The following TSC22D1 variants were observed in gnomAD, a reference collection of about 807,000 sequenced individuals.
TSC22D1 encodes TSC22 domain family member 1.
A neutral mutation model predicts 74.2 loss-of-function variants in TSC22D1; 9 were observed. The observed-to-expected ratio is 0.12, with a 90% confidence interval of 0.07 to 0.21. TSC22D1 has a LOEUF of 0.21. TSC22D1 is among the 10% of genes least tolerant of loss of function. The probability of loss-of-function intolerance (pLI) is 1.00; values close to 1 mark genes in which losing one functional copy is unlikely to be tolerated. For synonymous variants in TSC22D1, 586 were observed against 492.5 expected, an observed-to-expected ratio of 1.19 and a Z score of -2.51; for missense variants, 1,427 against 1,304.7, an observed-to-expected ratio of 1.09 and a Z score of -1.44.
chr13:44,525,795 C>CAAAAAAAAAA (rs59399056), intron 1 of TSC22D1, among the ~76,000 whole-genome samples: 2 of 88,552 alleles, frequency 2.3e-5, no homozygotes, highest in Non-Finnish European at 2.6e-5. Context: ...TAGCTTTTAA[C>CAAAAAAAAAA]AAAAAAAAAA....
intron 1 of TSC22D1, among the ~76,000 whole-genome samples, chr13:44,487,521 A>AAAAAAAAAAAAAAAAAAAAG (rs1566135759): frequency 6.8e-6 from 1 of 147,816 alleles, no homozygotes; most frequent in African/African-American, 2.5e-5. Flanking sequence ...AAAAAAAAAA[A>AAAAAAAAAAAAAAAAAAAAG]AAAAAAGAAA....
chr13:44,540,070 A>AG (rs1881373282), intron 1 of TSC22D1: 13 of 460,036 alleles, frequency 2.8e-5, no homozygotes, highest in Non-Finnish European at 4.5e-5. Context: ...TCTTAATTTG[A>AG]ATTTTAGAAG....
intron 1 of TSC22D1, among the ~76,000 whole-genome samples, chr13:44,450,016 G>A (rs1875992565): frequency 6.6e-6 from 1 of 152,192 alleles, no homozygotes; most frequent in Non-Finnish European, 1.5e-5. Flanking sequence ...AGGGGAGAAA[G>A]ACGTATGATA....
chr13:44,454,702 C>T (rs975930819), intron 1 of TSC22D1, among the ~76,000 whole-genome samples: 1 of 152,180 alleles, frequency 6.6e-6, no homozygotes, highest in Non-Finnish European at 1.5e-5. Flanking sequence ...TATATTACCT[C>T]ATTTAATCCT....
intron 1 of TSC22D1, among the ~76,000 whole-genome samples, chr13:44,477,926 C>T (rs1052187200): frequency 6.6e-6 from 1 of 152,160 alleles, no homozygotes; most frequent in Non-Finnish European, 1.5e-5. Context: ...CAGGCGTGAG[C>T]CACTGCGCCC....
rs1232252710 is a variant in TSC22D1 at position 44,432,160 on chromosome 13, T to C, written c.*2466A>G. 4 of 152,232 alleles carry C rather than the reference T, an allele frequency of 2.6e-5. No homozygotes were observed. The highest frequency in any genetic ancestry group is 9.6e-5 in the African/African-American group (4 of 41,460). 9.4% of individuals were successfully genotyped at this position (152,232 alleles called of 1,614,324 possible). A position where few individuals can be genotyped will look rare whatever the true frequency, so the allele number is the denominator to read the frequency against. On this transcript the variant is annotated 3_prime_UTR_variant, in exon 3 of 3. Coordinates refer to ENST00000458659, the MANE Select transcript of TSC22D1 (RefSeq NM_183422.4). ...GGAACATGTATGGAAAGACATCTTT[T>C]AATAATTCATTCTTATTTCACAAAT...
In TSC22D1 at chr13:44,575,287, G is replaced by A. The variant is rs1051066868; in HGVS notation, c.788C>T (p.Ser263Phe). The A allele has an allele frequency of 1.2e-6, 2 of 1,614,186 alleles. No homozygotes were observed. The highest frequency in any genetic ancestry group is 1.7e-6 in the Non-Finnish European group (2 of 1,180,042). ...PPSSPVSRKL[S>F]TTGSSDSITP... The stretch of plus-strand genomic sequence containing the variant: ...GATACTGTCAGAGCTTCCAGTTGTA[G>A]AGAGTTTTCTAGATACTGGGCTTGA... Residue 263 changes from serine (S) to phenylalanine (F), a missense_variant, in exon 1 of 3, where the codon TCT (serine) becomes TTT (phenylalanine). Physicochemically the swap from Ser to Phe is radical, Grantham distance 155. This residue lies in a region of TSC22D1 where 1,343 missense variants were observed against 1,191.5 expected (regional missense o/e 1.13). Coordinates refer to ENST00000458659, the MANE Select transcript of TSC22D1 (RefSeq NM_183422.4).
chr13:44,551,310 G>GGGGGGGGTGTGTGTGTGT (rs1555272439), intron 1 of TSC22D1, among the ~76,000 whole-genome samples: 1 of 132,776 alleles, frequency 7.5e-6, no homozygotes, highest in African/African-American at 2.9e-5. Context: ...ATCAGCTGGG[G>GGGGGGGGTGTGTGTGTGT]GTGTGTGTGT....
At chr13:44,465,603 T>C (rs373286949) in intron 1 of TSC22D1, among the ~76,000 whole-genome samples, 7 of 152,130 alleles carry the variant, frequency 4.6e-5, no homozygotes, top group Non-Finnish European at 1.0e-4. Context: ...AATCAGAGCA[T>C]TGGAGAATAG....
intron 1 of TSC22D1, among the ~76,000 whole-genome samples, chr13:44,466,602 C>G (rs1021771188): frequency 3.2e-4 from 48 of 151,644 alleles, no homozygotes; most frequent in Admixed American, 2.6e-3. Flanking sequence ...AATCTTGTCT[C>G]TACTAAAAAT....
chr13:44,466,816 G>A (rs1221872755), intron 1 of TSC22D1, among the ~76,000 whole-genome samples: 1 of 151,484 alleles, frequency 6.6e-6, no homozygotes, highest in Non-Finnish European at 1.5e-5. Flanking sequence ...TGAGCCCAAT[G>A]TCAAACCTTA....
chr13:44,462,864 G>A (rs896574942), intron 1 of TSC22D1, among the ~76,000 whole-genome samples: 8 of 152,112 alleles, frequency 5.3e-5, no homozygotes, highest in East Asian at 1.9e-4. Context: ...CCATTAGGAC[G>A]ATTAATGTGT....
intron 1 of TSC22D1, among the ~76,000 whole-genome samples, chr13:44,504,668 C>G (rs1879367277): frequency 6.6e-6 from 1 of 151,788 alleles, no homozygotes; most frequent in Non-Finnish European, 1.5e-5. Context: ...AATGTCTGCC[C>G]CAATGATAAT....
intron 1 of TSC22D1, among the ~76,000 whole-genome samples, chr13:44,567,511 A>G (rs1566180020): frequency 6.6e-6 from 1 of 152,028 alleles, no homozygotes; most frequent in Admixed American, 6.5e-5. Flanking sequence ...AAGAAAAAAA[A>G]AACTTTTTAA....
intron 1 of TSC22D1, among the ~76,000 whole-genome samples, chr13:44,466,620 A>T (rs1381350204): frequency 1.3e-5 from 2 of 151,748 alleles, no homozygotes; most frequent in Admixed American, 6.6e-5. Context: ...AATACAAAAA[A>T]TCAACCTGGT....
At chr13:44,455,007 A>T (rs1430184213) in intron 1 of TSC22D1, among the ~76,000 whole-genome samples, 1 of 152,188 alleles carries the variant, frequency 6.6e-6, no homozygotes, top group Admixed American at 6.5e-5. Flanking sequence ...GGGATTCAGT[A>T]TGAACAAAAT....
intron 1 of TSC22D1, among the ~76,000 whole-genome samples, chr13:44,512,101 A>G (rs1405787504): frequency 6.6e-6 from 1 of 152,166 alleles, no homozygotes; most frequent in Non-Finnish European, 1.5e-5. Flanking sequence ...CCAATCTTCA[A>G]ACTCAAATTT....
chr13:44,438,403 GAC>G (rs1007044036), intron 1 of TSC22D1, among the ~76,000 whole-genome samples: 2 of 152,122 alleles, frequency 1.3e-5, no homozygotes, highest in African/African-American at 4.8e-5. Context: ...GATCCATTTA[GAC>G]AGTTTTTAAG....
At chr13:44,537,160 C>T (rs1881197277) in intron 1 of TSC22D1, 2 of 876,434 alleles carry the variant, frequency 2.3e-6, no homozygotes, top group Non-Finnish European at 1.4e-6. Flanking sequence ...ACAGATATTA[C>T]ACAATTAGTC....
Sources: gnomAD v4.1 joint callset for allele counts (sites outside exome capture counted in the v4.1 genomes callset) on GRCh38, gnomAD v4.1.1 for gene constraint, gnomAD v4.1.1 regional missense constraint, MANE v1.5 for transcripts, NCBI Gene and HGNC (gene_info 2026-07-23, HGNC 2026-07-21) for gene names.